Variants in SVIL observed in about 807,000 individuals in gnomAD.
SVIL encodes supervillin, also known as archvillin.
Under a neutral mutation model 240.4 loss-of-function variants are expected in SVIL, and 101 were observed. The observed-to-expected ratio is 0.42, with a 90% confidence interval of 0.36 to 0.50. The LOEUF is 0.50. Among genes scored for constraint, SVIL ranks in the 20% least tolerant of loss-of-function variants. The probability of loss-of-function intolerance (pLI) is 0.01; values close to 1 mark genes in which losing one functional copy is unlikely to be tolerated. For missense variants in SVIL, 2,512 were observed against 2,818.7 expected, an observed-to-expected ratio of 0.89 and a Z score of 2.46; for synonymous variants, 999 against 1,100.0, an observed-to-expected ratio of 0.91 and a Z score of 1.82.
chr10:29,608,672 C>T (rs529439329), intron 1 of SVIL, among the ~76,000 whole-genome samples: 13 of 152,332 alleles, frequency 8.5e-5, no homozygotes, highest in South Asian at 4.1e-4. Context: ...TTCTGGACTT[C>T]GGGCAGTGAT....
chr10:29,673,453 G>A lies in SVIL; in HGVS notation c.-301+13100C>T, dbSNP rs544435073. ...TTGCTATAAAGAACTACCTGAGACT[G>A]AGTAATTTATACAGAAAAGAGGGTT... On this transcript the variant is annotated intron_variant, in intron 2 of 35. Coordinates refer to the SVIL transcript ENST00000375400. Among the ~76,000 whole-genome samples the A allele has an allele frequency of 2.6e-5, 4 of 151,846 alleles. No individual in the cohort carries two copies. The East Asian group carries it at 7.8e-4, about 29-fold the overall frequency.
chr10:29,630,934 G>A (rs1267920387), intron 1 of SVIL, among the ~76,000 whole-genome samples: 1 of 152,118 alleles, frequency 6.6e-6, no homozygotes, highest in East Asian at 1.9e-4. Flanking sequence ...CCTGGGGGTG[G>A]TAAGAGAAGT....
chr10:29,577,734 C>T (rs147391931), intron 1 of SVIL, among the ~76,000 whole-genome samples: 3,099 of 152,250 alleles, frequency 0.02, 100 homozygotes, highest in African/African-American at 0.07. Flanking sequence ...GGTAGTTCTA[C>T]TTTTGGTTCC....
At chr10:29,494,642 G>A (rs1206260069) in intron 20 of SVIL, among the ~76,000 whole-genome samples, 1 of 152,112 alleles carries the variant, frequency 6.6e-6, no homozygotes, top group African/African-American at 2.4e-5. Flanking sequence ...CCAAGGTCAC[G>A]TTGATTTTGC....
At position 29,708,843 on chromosome 10, in the gene SVIL, A is replaced by G. The variant is rs577002324; in HGVS notation, c.-399-22192T>C. 6.8e-3 allele frequency among the ~76,000 whole-genome samples: 1,031 copies of G among 152,254 alleles called. 11 individuals are homozygous for G. Among genetic ancestry groups the G allele is most frequent in the African/African-American group, 0.024 (983 of 41,550 alleles). On this transcript the variant is annotated intron_variant, in intron 1 of 35. Transcript: ENST00000375400. ...GAAAAACACAAGAAAAAGCAAAGAA[A>G]ACAAAACAGCCAATAGAACAAAAAC... is the stretch of plus-strand genomic sequence containing the variant.
chr10:29,463,349 A>T (rs550234781), intron 35 of SVIL, 143 bp downstream of exon 35: 1 of 1,101,764 alleles, frequency 9.1e-7, no homozygotes, highest in African/African-American at 1.6e-5. Context: ...AAGGGGAAAA[A>T]ATTGGTTTCA....
intron 9 of SVIL, 125 bp downstream of exon 9, chr10:29,531,877 G>A: frequency 8.8e-7 from 1 of 1,138,104 alleles, no homozygotes; most frequent in Non-Finnish European, 1.3e-6. Flanking sequence ...ACGCTTATAG[G>A]TTAGATGGAA....
At chr10:29,672,407 G>A (rs2133060738) in intron 2 of SVIL, among the ~76,000 whole-genome samples, 1 of 152,284 alleles carries the variant, frequency 6.6e-6, no homozygotes, top group South Asian at 2.1e-4. Context: ...ATAGGAGGTT[G>A]AGGCTGCAGT....
chr10:29,616,184 T>C lies in SVIL; in HGVS notation c.-201+18236A>G, dbSNP rs371204490. Among the ~76,000 whole-genome samples, 75 of 152,266 alleles carry C rather than the reference T, an allele frequency of 4.9e-4. No homozygotes were observed. The South Asian group carries it at 9.5e-3, about 19-fold the overall frequency. On this transcript the variant is annotated intron_variant, in intron 1 of 37. Coordinates refer to ENST00000355867, the MANE Select transcript of SVIL (RefSeq NM_021738.3). ...TCCCAAGTAGCTGGGACTACAGGTG[T>C]GTGCCACCTTGCCCAGCTAATTTTT... is the stretch of plus-strand genomic sequence containing the variant.
intron 3 of SVIL, among the ~76,000 whole-genome samples, chr10:29,656,213 C>T (rs374359074): frequency 2.0e-5 from 3 of 151,202 alleles, no homozygotes; most frequent in East Asian, 1.9e-4. Flanking sequence ...AAGAGGCATT[C>T]GATTTTGTCA....
At chr10:29,618,543 G>A (rs775620834) in intron 1 of SVIL, among the ~76,000 whole-genome samples, 11 of 152,212 alleles carry the variant, frequency 7.2e-5, no homozygotes, top group Non-Finnish European at 1.3e-4. Flanking sequence ...CAGCCTGGAC[G>A]CTCTTGACCA....
intron 35 of SVIL, 32 bp downstream of exon 35, chr10:29,463,460 C>G (rs201738133): frequency 6.2e-7 from 1 of 1,605,912 alleles, no homozygotes; most frequent in African/African-American, 1.3e-5. Flanking sequence ...CCCATCTGTT[C>G]CGTGCTGCAG....
At chr10:29,662,429 T>G (rs536317242) in intron 2 of SVIL, among the ~76,000 whole-genome samples, 1 of 152,256 alleles carries the variant, frequency 6.6e-6, no homozygotes. Flanking sequence ...ATAATCATTA[T>G]TGTTATTTGA....
intron 1 of SVIL, among the ~76,000 whole-genome samples, chr10:29,700,837 C>T (rs1026832617): frequency 2.0e-5 from 3 of 152,090 alleles, no homozygotes; most frequent in Non-Finnish European, 2.9e-5. Flanking sequence ...CCTGCAATCA[C>T]GATTTCAGTC....
chr10:29,540,353 C>T (rs912196290), intron 6 of SVIL, among the ~76,000 whole-genome samples: 5 of 152,152 alleles, frequency 3.3e-5, no homozygotes, highest in African/African-American at 4.8e-5. Context: ...TTCATCTCCT[C>T]GGCACTCGGA....
intron 1 of SVIL, among the ~76,000 whole-genome samples, chr10:29,627,969 C>A (rs1397486238): frequency 6.6e-6 from 1 of 152,158 alleles, no homozygotes; most frequent in Non-Finnish European, 1.5e-5. Flanking sequence ...AACGGTACAG[C>A]CAAGCCTTTT....
chr10:29,672,709 T>G (rs1195767333), intron 2 of SVIL, among the ~76,000 whole-genome samples: 1 of 152,118 alleles, frequency 6.6e-6, no homozygotes, highest in South Asian at 2.1e-4. Flanking sequence ...TGCTGCACTC[T>G]TCCTGCAGAG....
At position 29,491,013 on chromosome 10, in the gene SVIL, C is replaced by A; in HGVS notation, c.4026G>T (p.Thr1342=). The A allele has an allele frequency of 6.2e-7, 1 of 1,613,456 alleles. No homozygotes were observed. Among genetic ancestry groups the A allele is most frequent in the Non-Finnish European group, 8.5e-7 (1 of 1,179,628 alleles). ...VIFDPYAPKL[T]SSVAEHKRAV... is the part of the protein sequence containing the mutation. ...CCCGCTTGTGCTCGGCCACGGAAGACGTCAATCTGCGGATGGAAGCAGAGC... is the reference window on the plus strand; with the variant it reads ...CCCGCTTGTGCTCGGCCACGGAAGAAGTCAATCTGCGGATGGAAGCAGAGC... The change falls in exon 22 of 38, where the codon ACG becomes ACT. Residue 1342 remains threonine, a synonymous_variant. Coordinates refer to ENST00000355867, the MANE Select transcript of SVIL (RefSeq NM_021738.3).
At chr10:29,694,827 G>A (rs1012511640) in intron 1 of SVIL, among the ~76,000 whole-genome samples, 1 of 152,318 alleles carries the variant, frequency 6.6e-6, no homozygotes, top group East Asian at 1.9e-4. Context: ...TTATAGGAAA[G>A]CTCAAGGTGA....
Sources: allele counts gnomAD v4.1 joint callset (sites outside exome capture counted in the v4.1 genomes callset), GRCh38; gene constraint gnomAD v4.1.1; transcripts MANE v1.5; gene names NCBI Gene and HGNC (gene_info 2026-07-23, HGNC 2026-07-21).